SGCZ: variants seen among roughly 807,000 people sequenced by gnomAD.
SGCZ encodes the protein sarcoglycan zeta, also known as zeta-sarcoglycan.
SGCZ carries 40 observed loss-of-function variants against 41.3 expected under a neutral mutation model. The observed-to-expected ratio is 0.97, with a 90% confidence interval of 0.75 to 1.26. The LOEUF (loss-of-function observed/expected upper bound fraction) is 1.26. Among genes scored for constraint, SGCZ ranks in the 50% most tolerant of loss-of-function variants. SGCZ has a pLI of 0.00. For missense variants in SGCZ, 552 were observed against 369.8 expected (o/e 1.49, Z -4.04); for synonymous variants, 206 against 137.5 (o/e 1.50, Z -3.49).
intron 4 of SGCZ, among the ~76,000 whole-genome samples, chr8:14,167,036 A>G (rs1425856493): frequency 6.6e-6 from 1 of 152,164 alleles, no homozygotes; most frequent in Non-Finnish European, 1.5e-5. Context: ...GCAATTAGCA[A>G]TGCATTGATA....
At chr8:15,054,677 G>A (rs940142426) in intron 1 of SGCZ, among the ~76,000 whole-genome samples, 2 of 151,908 alleles carry the variant, frequency 1.3e-5, no homozygotes, top group Non-Finnish European at 2.9e-5. Flanking sequence ...TTTTGTAGCC[G>A]GGCGCAGTGG....
chr8:14,913,715 G>A (rs1799345037), intron 1 of SGCZ, among the ~76,000 whole-genome samples: 1 of 151,964 alleles, frequency 6.6e-6, no homozygotes, highest in Non-Finnish European at 1.5e-5. Flanking sequence ...TAAATGATAA[G>A]ATTGTGTTCA....
intron 2 of SGCZ, among the ~76,000 whole-genome samples, chr8:14,350,077 T>G (rs1168741584): frequency 6.6e-6 from 1 of 152,122 alleles, no homozygotes; most frequent in African/African-American, 2.4e-5. Context: ...GCTAAATGAT[T>G]GATAAAATCC....
intron 1 of SGCZ, among the ~76,000 whole-genome samples, chr8:14,743,585 C>CTATA (rs1342747946): frequency 6.6e-6 from 1 of 151,876 alleles, no homozygotes; most frequent in African/African-American, 2.4e-5. Context: ...ACTTCAGAAT[C>CTATA]TATACATAAA....
At chr8:14,255,195 C>A (rs765306020) in intron 3 of SGCZ, among the ~76,000 whole-genome samples, 1 of 152,102 alleles carries the variant, frequency 6.6e-6, no homozygotes, top group Non-Finnish European at 1.5e-5. Flanking sequence ...TTTTGGTTCA[C>A]CCACTGCCAT....
intron 2 of SGCZ, among the ~76,000 whole-genome samples, chr8:14,501,336 C>T (rs534675134): frequency 6.6e-6 from 1 of 152,080 alleles, no homozygotes; most frequent in South Asian, 2.1e-4. Context: ...GCATCATTTC[C>T]CTTTCGCCAA....
intron 1 of SGCZ, among the ~76,000 whole-genome samples, chr8:14,805,549 A>C (rs1055559539): frequency 3.7e-5 from 5 of 136,284 alleles, no homozygotes; most frequent in African/African-American, 5.0e-5. Flanking sequence ...ATATATATGC[A>C]CCCAATACAG....
At position 14,188,806 on chromosome 8, in the gene SGCZ, T is replaced by G. The variant is rs868045269; in HGVS notation, c.425-24104A>C. ...TTTTTCCAGATTTCTTGTTTTTTTT[T>G]TGTTTGTTTGTTTCTTTGTTTTTTT... On this transcript the variant is annotated intron_variant, in intron 4 of 7. Transcript: ENST00000382080. 1.2e-4 allele frequency among the ~76,000 whole-genome samples: 10 copies of G among 82,204 alleles called. No individual in the cohort carries two copies. The South Asian group carries it at 6.0e-3, about 50-fold the overall frequency. 53.9% of individuals were successfully genotyped at this position (82,204 alleles called of 152,430 possible). A position where few individuals can be genotyped will look rare whatever the true frequency, so the allele number is the denominator to read the frequency against.
At chr8:14,808,530 A>T (rs1459762171) in intron 1 of SGCZ, among the ~76,000 whole-genome samples, 1 of 152,312 alleles carries the variant, frequency 6.6e-6, no homozygotes, top group South Asian at 2.1e-4. Context: ...CCACAATGAG[A>T]TACCATCTCA....
chr8:14,832,424 C>T (rs1012945802), intron 1 of SGCZ, among the ~76,000 whole-genome samples: 1 of 152,040 alleles, frequency 6.6e-6, no homozygotes, highest in African/African-American at 2.4e-5. Context: ...CAGGCAAGAC[C>T]AAGAGGTTGG....
intron 1 of SGCZ, among the ~76,000 whole-genome samples, chr8:14,602,698 G>C (rs1047352286): frequency 6.6e-6 from 1 of 152,036 alleles, no homozygotes; most frequent in African/African-American, 2.4e-5. Context: ...TTCTCTGGCA[G>C]CATTTTATAT....
At chr8:14,279,691 A>T (rs974146458) in intron 3 of SGCZ, among the ~76,000 whole-genome samples, 7 of 152,024 alleles carry the variant, frequency 4.6e-5, no homozygotes, top group African/African-American at 7.2e-5. Flanking sequence ...AGTCATGTGT[A>T]TTATCTCAAA....
chr8:14,280,740 T>C (rs1800398489), intron 3 of SGCZ, among the ~76,000 whole-genome samples: 1 of 151,760 alleles, frequency 6.6e-6, no homozygotes, highest in South Asian at 2.1e-4. Context: ...ACGAGGAAGT[T>C]ATGTTCTTAT....
At chr8:15,180,601 A>G (rs890619111) in intron 1 of SGCZ, among the ~76,000 whole-genome samples, 1 of 151,978 alleles carries the variant, frequency 6.6e-6, no homozygotes, top group Non-Finnish European at 1.5e-5. Context: ...AAACAGAGGG[A>G]AAGGCTGGGC....
intron 4 of SGCZ, among the ~76,000 whole-genome samples, chr8:14,181,993 A>T (rs1804743465): frequency 6.6e-6 from 1 of 152,090 alleles, no homozygotes; most frequent in African/African-American, 2.4e-5. Context: ...TACATACCTA[A>T]CCTCAAATTG....
At chr8:14,240,268 C>T (rs1798822497) in intron 3 of SGCZ, among the ~76,000 whole-genome samples, 1 of 138,884 alleles carries the variant, frequency 7.2e-6, no homozygotes, top group Non-Finnish European at 1.5e-5. Flanking sequence ...GTGGAGGATT[C>T]AGTGAGCCCA....
At chr8:14,189,378 C>A (rs1164865839) in intron 4 of SGCZ, among the ~76,000 whole-genome samples, 2 of 152,204 alleles carry the variant, frequency 1.3e-5, no homozygotes, top group African/African-American at 2.4e-5. Context: ...AGAACACATT[C>A]TCCCTTTTCA....
intron 1 of SGCZ, among the ~76,000 whole-genome samples, chr8:14,677,993 A>T (rs1808329614): frequency 6.6e-6 from 1 of 152,202 alleles, no homozygotes. Context: ...CCAGAAACAG[A>T]CAAAACAATT....
chr8:14,355,078 T>C (rs907521785), intron 2 of SGCZ, among the ~76,000 whole-genome samples: 3 of 152,060 alleles, frequency 2.0e-5, no homozygotes, highest in African/African-American at 4.8e-5. Flanking sequence ...CCCAACACTA[T>C]CCTTAAATTC....
Sources: gnomAD v4.1 joint callset for allele counts (sites outside exome capture counted in the v4.1 genomes callset) on GRCh38, gnomAD v4.1.1 for gene constraint, MANE v1.5 for transcripts, NCBI Gene and HGNC (gene_info 2026-07-23, HGNC 2026-07-21) for gene names.